C10orf90: variants seen among roughly 807,000 people sequenced by gnomAD.
The protein encoded by C10orf90 is (E2-independent) E3 ubiquitin-conjugating enzyme FATS.
Under a neutral mutation model 62.5 loss-of-function variants are expected in C10orf90, and 56 were observed. That is an observed-to-expected ratio of 0.90 (90% confidence interval 0.72 to 1.12). The LOEUF (loss-of-function observed/expected upper bound fraction) is 1.12. Among genes scored for constraint, C10orf90 ranks in the 50% most tolerant of loss-of-function variants. The pLI is 0.00. For synonymous variants in C10orf90, 386 were observed against 340.4 expected (o/e 1.13, Z -1.47); for missense variants, 970 against 880.4 (o/e 1.10, Z -1.29).
chr10:126,527,262 G>A (rs1387507923), intron 2 of C10orf90, among the ~76,000 whole-genome samples: 1 of 152,208 alleles, frequency 6.6e-6, no homozygotes, highest in Non-Finnish European at 1.5e-5. Flanking sequence ...TCCAGCGGGT[G>A]TGAAGTGGTA....
intron 3 of C10orf90, among the ~76,000 whole-genome samples, chr10:126,512,613 G>A (rs73373058): frequency 6.6e-6 from 1 of 151,858 alleles, no homozygotes; most frequent in Non-Finnish European, 1.5e-5. Context: ...CAGCAGAATC[G>A]CCCCCATGCC....
In C10orf90 at chr10:126,668,813, G is replaced by A. The variant is rs192093677; in HGVS notation, c.240+1428C>T. Among the ~76,000 whole-genome samples the A allele has an allele frequency of 1.4e-3, 220 of 152,056 alleles. 1 individual carries two copies. Among genetic ancestry groups the A allele is most frequent in the African/African-American group, 4.8e-3 (200 of 41,466 alleles). ...GTTGTTGGCTGTCAATAGTAGCAGCGTATTGGGCCCTGAAAAAAATGTAGC... is the reference window on the plus strand; with the variant it reads ...GTTGTTGGCTGTCAATAGTAGCAGCATATTGGGCCCTGAAAAAAATGTAGC... On this transcript the variant is annotated intron_variant, in intron 1 of 9. Transcript: ENST00000488181.
intron 8 of C10orf90, among the ~76,000 whole-genome samples, chr10:126,428,233 C>T (rs1008330400): frequency 7.9e-5 from 12 of 151,978 alleles, no homozygotes; most frequent in Admixed American, 5.9e-4. Context: ...AGAGAAAGGC[C>T]TGACAGGATA....
chr10:126,459,754 G>C (rs1280614518), intron 6 of C10orf90, among the ~76,000 whole-genome samples: 1 of 152,196 alleles, frequency 6.6e-6, no homozygotes, highest in Non-Finnish European at 1.5e-5. Context: ...AAAGAGCTGG[G>C]AGGAAACCTT....
At chr10:126,491,041 A>T (rs1164136364) in intron 4 of C10orf90, among the ~76,000 whole-genome samples, 1 of 152,214 alleles carries the variant, frequency 6.6e-6, no homozygotes, top group Non-Finnish European at 1.5e-5. Context: ...TGGAAAGGAA[A>T]TTTTTAAAAA....
intron 2 of C10orf90, among the ~76,000 whole-genome samples, chr10:126,616,298 G>C (rs778575238): frequency 6.6e-6 from 1 of 152,172 alleles, no homozygotes; most frequent in Non-Finnish European, 1.5e-5. Context: ...GCCCTCTTCC[G>C]ACAAGCAATG....
intron 2 of C10orf90, among the ~76,000 whole-genome samples, chr10:126,546,648 A>G (rs1223036845): frequency 2.0e-5 from 3 of 152,202 alleles, no homozygotes; most frequent in African/African-American, 7.2e-5. Flanking sequence ...CCCAGCAGCA[A>G]TGAGGATTTC....
intron 3 of C10orf90, among the ~76,000 whole-genome samples, chr10:126,509,733 G>A (rs932998608): frequency 6.6e-6 from 1 of 152,044 alleles, no homozygotes; most frequent in African/African-American, 2.4e-5. Context: ...AAACACTGGC[G>A]GACTCTTTGC....
intron 2 of C10orf90, among the ~76,000 whole-genome samples, chr10:126,574,915 T>C (rs1370842725): frequency 6.6e-6 from 1 of 152,100 alleles, no homozygotes; most frequent in Non-Finnish European, 1.5e-5. Context: ...TTTCTCTTGG[T>C]AGAATATTGA....
At chr10:126,476,074 C>T (rs552220152) in intron 4 of C10orf90, among the ~76,000 whole-genome samples, 1 of 152,254 alleles carries the variant, frequency 6.6e-6, no homozygotes, top group East Asian at 1.9e-4. Flanking sequence ...CCCTCATTTC[C>T]ATTACAAGAT....
At chr10:126,598,057 A>G (rs1475710046) in intron 2 of C10orf90, among the ~76,000 whole-genome samples, 1 of 152,202 alleles carries the variant, frequency 6.6e-6, no homozygotes, top group Non-Finnish European at 1.5e-5. Flanking sequence ...CAGATACCCT[A>G]TTTCAATGGC....
chr10:126,564,845 A>ATATATATTATATATAATATATATTT (rs1341338317), intron 2 of C10orf90, among the ~76,000 whole-genome samples: 752 of 18,204 alleles, frequency 0.041, 317 homozygotes, highest in Non-Finnish European at 0.059. Flanking sequence ...TATATATATT[A>ATATATATTATATATAATATATATTT]TATATTATAT....
chr10:126,577,497 T>G (rs1400637514), intron 2 of C10orf90, among the ~76,000 whole-genome samples: 1 of 152,000 alleles, frequency 6.6e-6, no homozygotes, highest in Admixed American at 6.6e-5. Context: ...TCTGGACTAA[T>G]TTTTTAAAAA....
At chr10:126,552,960 G>A (rs898348380) in intron 2 of C10orf90, among the ~76,000 whole-genome samples, 4 of 152,094 alleles carry the variant, frequency 2.6e-5, no homozygotes, top group Non-Finnish European at 4.4e-5. Flanking sequence ...ATTAGACATC[G>A]GTTGGGGGAA....
chr10:126,575,495 A>C (rs777562653), intron 2 of C10orf90, among the ~76,000 whole-genome samples: 47 of 152,070 alleles, frequency 3.1e-4, no homozygotes, highest in Non-Finnish European at 5.3e-4. Flanking sequence ...AAATGACAAT[A>C]CTACCCACAG....
chr10:126,507,312 G>A (rs1332436740), intron 3 of C10orf90, among the ~76,000 whole-genome samples: 7 of 143,156 alleles, frequency 4.9e-5, no homozygotes, highest in Admixed American at 2.9e-4. Context: ...AGCCAAGATC[G>A]CGCCACTGCA....
intron 2 of C10orf90, among the ~76,000 whole-genome samples, chr10:126,586,378 G>A (rs1216359741): frequency 6.6e-6 from 1 of 152,192 alleles, no homozygotes; most frequent in African/African-American, 2.4e-5. Context: ...CGTTTGCAAC[G>A]CCAAGACGGA....
chr10:126,442,638 TATATATA>T (rs1564794976), intron 7 of C10orf90, among the ~76,000 whole-genome samples: 182 of 16,456 alleles, frequency 0.011, 2 homozygotes, highest in African/African-American at 0.032. Context: ...TGTGTGTATA[TATATATA>T]TATATATATA....
intron 7 of C10orf90, among the ~76,000 whole-genome samples, chr10:126,431,297 A>T (rs1196256003): frequency 6.6e-6 from 1 of 152,142 alleles, no homozygotes; most frequent in Non-Finnish European, 1.5e-5. Context: ...CACTCCTCTC[A>T]TAGAAAAATC....
Sources: allele counts gnomAD v4.1 joint callset (sites outside exome capture counted in the v4.1 genomes callset), GRCh38; gene constraint gnomAD v4.1.1; transcripts MANE v1.5; gene names NCBI Gene and HGNC (gene_info 2026-07-23, HGNC 2026-07-21).